CHST3: variants seen among roughly 807,000 people sequenced by gnomAD.
CHST3 encodes the protein carbohydrate sulfotransferase 3, also known as C6ST-1.
CHST3 carries 20 observed loss-of-function variants against 35.4 expected under a neutral mutation model. The ratio of observed to expected loss-of-function variants is 0.57; its 90% confidence interval spans 0.40 to 0.82. The LOEUF is 0.82. Ranked by LOEUF, CHST3 falls within the 40% of genes least tolerant of loss-of-function variation. CHST3 has a pLI of 0.00. For synonymous variants in CHST3, 334 were observed against 295.9 expected (o/e 1.13, Z -1.32); for missense variants, 693 against 670.1 (o/e 1.03, Z -0.38).
chr10:71,971,229 G>C (rs181035388), intron 1 of CHST3, among the ~76,000 whole-genome samples: 1 of 152,300 alleles, frequency 6.6e-6, no homozygotes, highest in Admixed American at 6.5e-5. Flanking sequence ...GGGATTTGGG[G>C]AGTGGGGCAC....
At chr10:71,967,572 C>T (rs189759120) in intron 1 of CHST3, among the ~76,000 whole-genome samples, 2 of 152,274 alleles carry the variant, frequency 1.3e-5, no homozygotes, top group African/African-American at 2.4e-5. Context: ...TCTGGTCTAC[C>T]GTTGATGGGC....
rs879678320 is a variant in CHST3, at chr10:72,012,351, G to C, written c.*3880G>C. ...CCGGGTCATCCTCTCCTATACTAGGGCCTATTGACCGTAGAGGCCAGGTGC... is the reference window on the plus strand; with the variant it reads ...CCGGGTCATCCTCTCCTATACTAGGCCCTATTGACCGTAGAGGCCAGGTGC... On this transcript the variant is annotated 3_prime_UTR_variant, in exon 3 of 3. Coordinates refer to ENST00000373115, the MANE Select transcript of CHST3 (RefSeq NM_004273.5). The C allele has an allele frequency of 6.6e-6, 1 of 152,220 alleles. No individual in the cohort carries two copies. The highest frequency in any genetic ancestry group is 1.5e-5 in the Non-Finnish European group (1 of 68,076). The allele number at this position is 152,220 out of a possible 1,614,324, so 9.4% of individuals were successfully genotyped here.
chr10:71,993,643 C>A (rs572733189), intron 1 of CHST3, among the ~76,000 whole-genome samples: 18 of 152,324 alleles, frequency 1.2e-4, no homozygotes, highest in Admixed American at 3.9e-4. Context: ...TATAGCCTTA[C>A]AAAATGTATT....
At position 72,007,574 on chromosome 10, in the gene CHST3, C is replaced by T. The variant is rs778478785; in HGVS notation, c.543C>T (p.Ala181=). The change falls in exon 3 of 3, where the codon GCC becomes GCT. Residue 181 remains alanine (A), a synonymous_variant. Transcript: ENST00000373115. ...CCTTCGAGCCGGGGGGCGCCAACGCCGCGGGCTCGGCCCTGGTGTACCGCG... is the reference window on the plus strand; with the variant it reads ...CCTTCGAGCCGGGGGGCGCCAACGCTGCGGGCTCGGCCCTGGTGTACCGCG... ...TVSFEPGGAN[A]AGSALVYRDV... is the part of the protein sequence containing the mutation. 3 of 1,608,246 alleles carry T rather than the reference C, an allele frequency of 1.9e-6. No individual in the cohort carries two copies. Among genetic ancestry groups the T allele is most frequent in the Non-Finnish European group, 2.5e-6 (3 of 1,179,744 alleles).
chr10:71,977,129 GTTA>G (rs1424432524), intron 1 of CHST3, among the ~76,000 whole-genome samples: 1 of 152,224 alleles, frequency 6.6e-6, no homozygotes, highest in Non-Finnish European at 1.5e-5. Flanking sequence ...CCCGAGGACT[GTTA>G]TTATGATAAC....
Position 72,007,344 on chromosome 10 carries a change from C to A in CHST3, c.313C>A (p.Pro105Thr). The A allele has an allele frequency of 6.2e-7, 1 of 1,609,374 alleles. No homozygotes were observed. The highest frequency in any genetic ancestry group is 8.5e-7 in the Non-Finnish European group (1 of 1,177,968). The change falls in exon 3 of 3, where the codon CCA (proline) becomes ACA (threonine). Residue 105 changes from proline to threonine, a missense_variant. By Grantham distance (38) the Pro-to-Thr change is conservative (BLOSUM62 -1). Coordinates refer to ENST00000373115, the MANE Select transcript of CHST3 (RefSeq NM_004273.5). ...RNLSLQLGVE[P>T]AMEAAGEEEE... ...CCTCAGCTTGCAGCTGGGCGTGGAG[C>A]CAGCCATGGAGGCCGCAGGGGAGGA... is the stretch of plus-strand genomic sequence containing the variant.
At position 71,994,908 on chromosome 10, in the gene CHST3, G is replaced by A. The variant is rs538248698; in HGVS notation, c.-107-10828G>A. 3.3e-5 allele frequency among the ~76,000 whole-genome samples: 5 copies of A among 152,202 alleles called. 1 individual carries two copies. The highest frequency in any genetic ancestry group is 7.2e-5 in the African/African-American group (3 of 41,548). On this transcript the variant is annotated intron_variant, in intron 1 of 2. Coordinates refer to ENST00000373115, the MANE Select transcript of CHST3 (RefSeq NM_004273.5). ...CCTTAAACCTCATGAACCAACCAACGCTAGCAGCTTCCAAATTTTCTGCAG... is the reference window on the plus strand; with the variant it reads ...CCTTAAACCTCATGAACCAACCAACACTAGCAGCTTCCAAATTTTCTGCAG...
intron 1 of CHST3, among the ~76,000 whole-genome samples, chr10:71,972,111 A>G (rs1481631708): frequency 1.3e-5 from 2 of 152,124 alleles, no homozygotes; most frequent in Non-Finnish European, 2.9e-5. Flanking sequence ...TCTCACCAGA[A>G]GCTCTAGAGG....
intron 1 of CHST3, among the ~76,000 whole-genome samples, chr10:71,997,450 C>T (rs910887218): frequency 9.2e-5 from 14 of 152,178 alleles, no homozygotes; most frequent in African/African-American, 3.1e-4. Context: ...CTGCCTCGCT[C>T]AGCCACCTGC....
chr10:71,978,444 C>T (rs1319371015), intron 1 of CHST3, among the ~76,000 whole-genome samples: 2 of 152,128 alleles, frequency 1.3e-5, no homozygotes, highest in South Asian at 2.1e-4. Context: ...ATTCCTAACC[C>T]CGTGCTGCCA....
Position 72,008,467 on chromosome 10 carries a change from C to T in CHST3, c.1436C>T (p.Thr479Met), listed in dbSNP as rs1353433459. Residue 479 changes from threonine to methionine, a missense_variant, in exon 3 of 3, where the codon ACG becomes ATG. Physicochemically the swap from Thr to Met is moderately conservative, Grantham distance 81. Coordinates refer to ENST00000373115, the MANE Select transcript of CHST3 (RefSeq NM_004273.5). ...LLEERGTFWV[T>M] Reference sequence around the variant, plus strand: ...GAGGAGAGGGGCACCTTCTGGGTCACGTAGGGGGGCCGGGGCCCCGTATGC... The same window carrying T: ...GAGGAGAGGGGCACCTTCTGGGTCATGTAGGGGGGCCGGGGCCCCGTATGC... 1 of 1,540,150 alleles carries T rather than the reference C, an allele frequency of 6.5e-7. No individual in the cohort carries two copies. Among genetic ancestry groups the T allele is most frequent in the East Asian group, 2.4e-5 (1 of 42,050 alleles).
In CHST3 at chr10:72,007,565, C is replaced by T. The variant is rs992053096; in HGVS notation, c.534C>T (p.Gly178=). The change falls in exon 3 of 3, where the codon GGC becomes GGT. Residue 178 remains glycine, a synonymous_variant. Transcript: ENST00000373115. ...IERTVSFEPG[G]ANAAGSALVY... Reference sequence around the variant, plus strand: ...GCACAGTGTCCTTCGAGCCGGGGGGCGCCAACGCCGCGGGCTCGGCCCTGG... The same window carrying T: ...GCACAGTGTCCTTCGAGCCGGGGGGTGCCAACGCCGCGGGCTCGGCCCTGG... The T allele has an allele frequency of 2.5e-6, 4 of 1,607,212 alleles. No homozygotes were observed. The highest frequency in any genetic ancestry group is 2.2e-5 in the East Asian group (1 of 44,896).
intron 1 of CHST3, among the ~76,000 whole-genome samples, chr10:71,996,233 C>T (rs1023600363): frequency 6.6e-6 from 1 of 152,164 alleles, no homozygotes; most frequent in Non-Finnish European, 1.5e-5. Flanking sequence ...GTAAATGTCC[C>T]TATTTCACCT....
intron 1 of CHST3, 65 bp from the exon 2 acceptor site, chr10:72,005,671 G>C (rs1334254505): frequency 1.9e-5 from 15 of 771,158 alleles, no homozygotes; most frequent in Non-Finnish European, 3.2e-5. Flanking sequence ...AAAGTCTGGT[G>C]GAGAGACATC....
rs751470049 is a variant in CHST3, at chr10:72,007,365, G to A, written c.334G>A (p.Glu112Lys). 3 of 1,605,408 alleles carry A rather than the reference G, an allele frequency of 1.9e-6. No homozygotes were observed. The highest frequency in any genetic ancestry group is 2.6e-6 in the Non-Finnish European group (3 of 1,176,360). The change falls in exon 3 of 3, where the codon GAG (glutamate) becomes AAG (lysine). Residue 112 changes from glutamate to lysine, a missense_variant. Physicochemically the swap from Glu to Lys is moderately conservative, Grantham distance 56. Transcript: ENST00000373115. The stretch of plus-strand genomic sequence containing the variant: ...GGAGCCAGCCATGGAGGCCGCAGGG[G>A]AGGAAGAGGAAGAGCAGAGAAAGGA... Reference protein sequence around the residue: ...GVEPAMEAAGEEEEEQRKEEE... With the variant: ...GVEPAMEAAGKEEEEQRKEEE...
rs748988264 is a variant in CHST3, at chr10:72,011,200, G to A, written c.*2729G>A. 7.9e-5 allele frequency: 12 copies of A among 152,188 alleles called. No homozygotes were observed. Among genetic ancestry groups the A allele is most frequent in the African/African-American group, 1.9e-4 (8 of 41,438 alleles). 9.4% of individuals were successfully genotyped at this position (152,188 alleles called of 1,614,324 possible). ...GAATGAGCTGGAGCGCCAGCACCAC[G>A]ATGGCCCCAGGACGTTGTTTAAGAT... is the stretch of plus-strand genomic sequence containing the variant. On this transcript the variant is annotated 3_prime_UTR_variant, in exon 3 of 3. Transcript: ENST00000373115.
intron 1 of CHST3, among the ~76,000 whole-genome samples, chr10:71,997,447 G>A (rs1315007688): frequency 6.6e-6 from 1 of 152,136 alleles, no homozygotes; most frequent in East Asian, 1.9e-4. Context: ...CCACTGCCTC[G>A]CTCAGCCACC....
chr10:72,001,459 G>A (rs1344902156), intron 1 of CHST3, among the ~76,000 whole-genome samples: 1 of 148,372 alleles, frequency 6.7e-6, no homozygotes, highest in Non-Finnish European at 1.5e-5. Context: ...GGGATGAAAG[G>A]TTTTTTTGTT....
At chr10:71,981,552 C>T (rs550256303) in intron 1 of CHST3, among the ~76,000 whole-genome samples, 29 of 152,332 alleles carry the variant, frequency 1.9e-4, no homozygotes, top group African/African-American at 6.3e-4. Context: ...TCCAGCCCCC[C>T]CAGGCAGCCA....
Sources: allele counts gnomAD v4.1 joint callset (sites outside exome capture counted in the v4.1 genomes callset), GRCh38; gene constraint gnomAD v4.1.1; transcripts MANE v1.5; gene names NCBI Gene and HGNC (gene_info 2026-07-23, HGNC 2026-07-21).